The following CEP57L1 variants were observed in gnomAD, a reference collection of about 807,000 sequenced individuals.
CEP57L1 encodes the protein centrosomal protein CEP57L1.
CEP57L1 carries 37 observed loss-of-function variants against 61.0 expected under a neutral mutation model. That is an observed-to-expected ratio of 0.61 (90% CI 0.47 to 0.80). The LOEUF is 0.80. CEP57L1 is among the 30% of genes least tolerant of loss of function. CEP57L1 has a pLI of 0.00. For synonymous variants in CEP57L1, 137 were observed against 162.3 expected (o/e 0.84, Z 1.19); for missense variants, 422 against 524.7 (o/e 0.80, Z 1.91).
chr6:109,100,690 A>AAAG (rs1397724038), intron 1 of CEP57L1, among the ~76,000 whole-genome samples: 2 of 149,042 alleles, frequency 1.3e-5, no homozygotes, highest in African/African-American at 5.1e-5. Flanking sequence ...AAAAAAAAAA[A>AAAG]AAGAAGAAAG....
chr6:109,110,256 T>C (rs1017681619), intron 1 of CEP57L1, among the ~76,000 whole-genome samples: 2 of 152,028 alleles, frequency 1.3e-5, no homozygotes, highest in Admixed American at 1.3e-4. Flanking sequence ...GATGGTATCT[T>C]ATTGTGGTTT....
chr6:109,162,898 C>T lies in CEP57L1; in HGVS notation c.1311C>T (p.Ser437=). 6.2e-7 allele frequency: 1 copy of T among 1,613,090 alleles called. No homozygotes were observed. The highest frequency in any genetic ancestry group is 1.1e-5 in the South Asian group (1 of 91,062). The change falls in exon 11 of 11, where the codon AGC becomes AGT. Residue 437 remains serine, a synonymous_variant. Transcript: ENST00000517392. ...ACACTAACCTTTTTCAGAAAAACAG[C>T]AGCTTTCATCCAATACGAGTTCATA... The part of the protein sequence containing the change: ...LTDTNLFQKN[S]SFHPIRVHNL...
chr6:109,159,478 C>CTT lies in CEP57L1; in HGVS notation c.1016+26_1016+27dup, dbSNP rs112767815. 6.2e-5 allele frequency: 77 copies of CTT among 1,241,186 alleles called. No homozygotes were observed. The highest frequency in any genetic ancestry group is 7.5e-5 in the Non-Finnish European group (68 of 905,066). The allele number at this position is 1,241,186 out of a possible 1,614,324, so 76.9% of individuals were successfully genotyped here. A position where few individuals can be genotyped will look rare whatever the true frequency, so the allele number is the denominator to read the frequency against. On this transcript the variant is annotated intron_variant, in intron 9 of 10. Coordinates refer to ENST00000517392, the MANE Select transcript of CEP57L1 (RefSeq NM_001271852.3). ...AAATGAGCATGTAAGTATTTATATT[C>CTT]TTTTTTTTTTTCAAGAGACAGTGTC... is the stretch of plus-strand genomic sequence containing the variant.
In CEP57L1 at chr6:109,163,260, A is replaced by G. The variant is rs1306491850; in HGVS notation, c.*290A>G. On this transcript the variant is annotated 3_prime_UTR_variant, in exon 11 of 11. Transcript: ENST00000517392. ...AGCTAAATTTAAGAAATTGTACTAG[A>G]TTGACAATATTCAAAATTGAGTTAA... The G allele has an allele frequency of 2.1e-5, 5 of 239,880 alleles. No individual in the cohort carries two copies. Among genetic ancestry groups the G allele is most frequent in the South Asian group, 1.3e-4 (2 of 14,890 alleles). 14.9% of individuals were successfully genotyped at this position (239,880 alleles called of 1,614,324 possible).
intron 1 of CEP57L1, among the ~76,000 whole-genome samples, chr6:109,125,403 T>C (rs1583472516): frequency 6.6e-6 from 1 of 151,700 alleles, no homozygotes; most frequent in East Asian, 1.9e-4. Context: ...TTCTGACTAT[T>C]AAGTCTGCTC....
chr6:109,132,614 G>A (rs143026391), intron 1 of CEP57L1, among the ~76,000 whole-genome samples: 3 of 152,170 alleles, frequency 2.0e-5, no homozygotes, highest in South Asian at 2.1e-4. Context: ...AGACTTATTC[G>A]CTAGATTGTA....
At chr6:109,149,234 A>G (rs1434407389) in intron 3 of CEP57L1, among the ~76,000 whole-genome samples, 1 of 152,202 alleles carries the variant, frequency 6.6e-6, no homozygotes, top group Non-Finnish European at 1.5e-5. Context: ...GTTTTCTTCT[A>G]GAGTTTTTAT....
intron 1 of CEP57L1, among the ~76,000 whole-genome samples, chr6:109,127,160 G>A (rs1026210201): frequency 8.6e-5 from 13 of 151,970 alleles, no homozygotes; most frequent in South Asian, 2.1e-4. Context: ...GCGAAACTCC[G>A]TCTCAAACAA....
chr6:109,153,871 G>C lies in CEP57L1; in HGVS notation c.501G>C (p.Lys167Asn), dbSNP rs1400236562. Reference sequence around the variant, plus strand: ...GGGAAAAAGAACAAGATCAGATGAAGCTGTATGCAAAACTTGAAAAGCTTG... The same window carrying C: ...GGGAAAAAGAACAAGATCAGATGAACCTGTATGCAAAACTTGAAAAGCTTG... ...LQREKEQDQM[K>N]LYAKLEKLDV... The change falls in exon 5 of 11, where the codon AAG becomes AAC. Residue 167 changes from lysine (K) to asparagine (N), a missense_variant. Physicochemically the swap from Lys to Asn is moderately conservative, Grantham distance 94. Coordinates refer to ENST00000517392, the MANE Select transcript of CEP57L1 (RefSeq NM_001271852.3). 6.2e-7 allele frequency: 1 copy of C among 1,612,370 alleles called. No individual in the cohort carries two copies.
At position 109,173,486 on chromosome 6, in the gene CEP57L1, G is replaced by A. The variant is rs76110214; in HGVS notation, c.*10516G>A. On this transcript the variant is annotated 3_prime_UTR_variant, in exon 11 of 11. Coordinates refer to ENST00000517392, the MANE Select transcript of CEP57L1 (RefSeq NM_001271852.3). The stretch of plus-strand genomic sequence containing the variant: ...TCACCCAGGCTGGAGTGGAGTGAAT[G>A]CAATCAAAGCTCACTGCAACCTCAA... Among the ~76,000 whole-genome samples the A allele has an allele frequency of 0.13, 18,166 of 143,590 alleles. 1,266 individuals are homozygous for A. Among genetic ancestry groups the A allele is most frequent in the Middle Eastern group, 0.22 (63 of 282 alleles). 94.2% of individuals were successfully genotyped at this position (143,590 alleles called of 152,430 possible).
Position 109,131,189 on chromosome 6 carries a change from A to C in CEP57L1, c.-3-14030A>C, listed in dbSNP as rs1049070974. Among the ~76,000 whole-genome samples, 4 of 152,202 alleles carry C rather than the reference A, an allele frequency of 2.6e-5. No homozygotes were observed. In the East Asian group the frequency reaches 7.7e-4, roughly 29 times the overall value. ...ATACATTATACATGAATGTCATTGA[A>C]GTATAATAATACTTAAACTGCTTCT... On this transcript the variant is annotated intron_variant, in intron 1 of 10. Coordinates refer to ENST00000517392, the MANE Select transcript of CEP57L1 (RefSeq NM_001271852.3).
chr6:109,132,914 C>T (rs1222820403), intron 1 of CEP57L1, among the ~76,000 whole-genome samples: 1 of 151,884 alleles, frequency 6.6e-6, no homozygotes, highest in Non-Finnish European at 1.5e-5. Flanking sequence ...TTGAAGTGTC[C>T]CTTATGCTTA....
intron 1 of CEP57L1, among the ~76,000 whole-genome samples, chr6:109,107,810 G>A (rs1045740508): frequency 1.3e-4 from 19 of 151,834 alleles, no homozygotes; most frequent in African/African-American, 4.8e-5. Flanking sequence ...GCATGGTGGC[G>A]CTTGGGTGTA....
intron 1 of CEP57L1, among the ~76,000 whole-genome samples, chr6:109,126,903 C>CA (rs1773611016): frequency 6.6e-6 from 1 of 152,172 alleles, no homozygotes; most frequent in African/African-American, 2.4e-5. Flanking sequence ...CACGGTGCCT[C>CA]ACGCCTGTAA....
chr6:109,148,830 A>G (rs1583607327), intron 3 of CEP57L1, among the ~76,000 whole-genome samples: 1 of 152,330 alleles, frequency 6.6e-6, no homozygotes, highest in East Asian at 1.9e-4. Flanking sequence ...GTGAGATGCT[A>G]TCTCACTGTG....
intron 1 of CEP57L1, among the ~76,000 whole-genome samples, chr6:109,099,526 T>TTTTA (rs1178881124): frequency 7.4e-5 from 11 of 148,984 alleles, no homozygotes; most frequent in Admixed American, 2.6e-4. Flanking sequence ...AGATGGGTAC[T>TTTTA]TTTATTTATT....
intron 1 of CEP57L1, among the ~76,000 whole-genome samples, chr6:109,141,787 T>C (rs1466844539): frequency 6.6e-6 from 1 of 152,128 alleles, no homozygotes; most frequent in Non-Finnish European, 1.5e-5. Context: ...AGTCCAGCCT[T>C]ACTGTGTTTG....
At chr6:109,158,169 C>T (rs985501307) in intron 7 of CEP57L1, 5 of 153,526 alleles carry the variant, frequency 3.3e-5, no homozygotes, top group African/African-American at 1.2e-4. Flanking sequence ...TATGGATGTA[C>T]CACAATTTAA....
chr6:109,129,397 T>G (rs893077312), intron 1 of CEP57L1: 7 of 1,034,472 alleles, frequency 6.8e-6, no homozygotes, highest in Non-Finnish European at 9.2e-6. Flanking sequence ...TGTGGTGCCC[T>G]CCCTCAATTG....
Sources: gnomAD v4.1 joint callset for allele counts (sites outside exome capture counted in the v4.1 genomes callset) on GRCh38, gnomAD v4.1.1 for gene constraint, MANE v1.5 for transcripts, NCBI Gene and HGNC (gene_info 2026-07-23, HGNC 2026-07-21) for gene names.